The following RORA variants were observed in gnomAD, a reference collection of about 807,000 sequenced individuals.
RORA encodes the protein nuclear receptor ROR-alpha.
In RORA, 7 loss-of-function variants were observed where a neutral mutation model predicts 69.5. The observed-to-expected ratio is 0.10, with a 90% CI of 0.06 to 0.19. The LOEUF (loss-of-function observed/expected upper bound fraction) is 0.19. RORA is among the 10% of genes least tolerant of loss of function. The pLI is 1.00. For synonymous variants in RORA, 261 were observed against 240.8 expected (o/e 1.08, Z -0.78); for missense variants, 457 against 663.0 (o/e 0.69, Z 3.41).
chr15:61,191,114 G>A (rs1160075254), intron 1 of RORA, among the ~76,000 whole-genome samples: 4 of 152,226 alleles, frequency 2.6e-5, no homozygotes, highest in South Asian at 2.1e-4. Flanking sequence ...TAAAACAGAA[G>A]AGATTTGTAT....
At chr15:61,194,330 C>T (rs962028600) in intron 1 of RORA, among the ~76,000 whole-genome samples, 2 of 152,070 alleles carry the variant, frequency 1.3e-5, no homozygotes, top group African/African-American at 4.8e-5. Flanking sequence ...GAGGCAGAGG[C>T]AGGAGGATCA....
chr15:61,139,845 T>C (rs2079281914), intron 1 of RORA, among the ~76,000 whole-genome samples: 1 of 152,226 alleles, frequency 6.6e-6, no homozygotes, highest in Non-Finnish European at 1.5e-5. Context: ...CCCTAAAAGC[T>C]TGTAGCTTCA....
intron 3 of RORA, among the ~76,000 whole-genome samples, chr15:60,517,110 C>CTTTTTTTTTTTTT (rs34707279): frequency 1.4e-5 from 2 of 141,272 alleles, no homozygotes; most frequent in African/African-American, 5.6e-5. Flanking sequence ...TTCATCTGTG[C>CTTTTTTTTTTTTT]TTTTTTTTTT....
At chr15:60,598,782 A>T (rs2068753744) in intron 2 of RORA, among the ~76,000 whole-genome samples, 1 of 152,178 alleles carries the variant, frequency 6.6e-6, no homozygotes, top group African/African-American at 2.4e-5. Flanking sequence ...TTTATTAAGC[A>T]CCTGCTAAGT....
chr15:60,663,673 T>C (rs2070337945), intron 2 of RORA, among the ~76,000 whole-genome samples: 1 of 152,234 alleles, frequency 6.6e-6, no homozygotes, highest in Non-Finnish European at 1.5e-5. Flanking sequence ...CAGGCTGATC[T>C]TGACCTCCTG....
In RORA at chr15:60,929,847, A is replaced by T. The variant is rs1892325200; in HGVS notation, c.167-251161T>A. The stretch of plus-strand genomic sequence containing the variant: ...CAGCCCCCAGAGATACGGACCTGGG[A>T]AGTCTAGGGAGGAGCCCAGGAATGT... On this transcript the variant is annotated intron_variant, in intron 1 of 10. Coordinates refer to ENST00000335670, the MANE Select transcript of RORA (RefSeq NM_134261.3). Among the ~76,000 whole-genome samples the T allele has an allele frequency of 2.0e-5, 3 of 152,064 alleles. No homozygotes were observed. The South Asian group carries it at 6.2e-4, about 32-fold the overall frequency.
intron 1 of RORA, among the ~76,000 whole-genome samples, chr15:61,197,146 G>A (rs1251888954): frequency 6.6e-6 from 1 of 152,226 alleles, no homozygotes; most frequent in African/African-American, 2.4e-5. Context: ...GTAATAGCTG[G>A]TTTGAAAACA....
chr15:61,197,243 G>C (rs918706772), intron 1 of RORA, among the ~76,000 whole-genome samples: 1 of 152,208 alleles, frequency 6.6e-6, no homozygotes, highest in African/African-American at 2.4e-5. Flanking sequence ...CACTTAGGGG[G>C]CCTAATGTAG....
chr15:60,619,237 A>C (rs2069339356), intron 2 of RORA, among the ~76,000 whole-genome samples: 1 of 152,242 alleles, frequency 6.6e-6, no homozygotes, highest in Admixed American at 6.5e-5. Flanking sequence ...CGAAATGACT[A>C]CAAAAATTGA....
chr15:60,630,888 C>CTTTTCTTTT (rs2069721125), intron 2 of RORA, among the ~76,000 whole-genome samples: 1 of 109,902 alleles, frequency 9.1e-6, no homozygotes, highest in Non-Finnish European at 1.7e-5. Context: ...ATGAGACTTT[C>CTTTTCTTTT]TTTTTTTTTT....
At chr15:60,540,574 C>CCCCGCCCCCG (rs1555428642) in intron 2 of RORA, among the ~76,000 whole-genome samples, 2 of 102,670 alleles carry the variant, frequency 1.9e-5, no homozygotes, top group Non-Finnish European at 3.9e-5. Flanking sequence ...ACCCCCCCCC[C>CCCCGCCCCCG]CCAAAACTGT....
intron 1 of RORA, among the ~76,000 whole-genome samples, chr15:60,694,702 C>T (rs914407231): frequency 6.6e-6 from 1 of 152,192 alleles, no homozygotes. Flanking sequence ...TCCTGCCACA[C>T]ACAGCCAAGT....
At chr15:61,144,854 G>A (rs899317082) in intron 1 of RORA, among the ~76,000 whole-genome samples, 5 of 152,096 alleles carry the variant, frequency 3.3e-5, no homozygotes, top group Non-Finnish European at 5.9e-5. Flanking sequence ...TGGCTACTTT[G>A]GGGGAGTATG....
intron 1 of RORA, among the ~76,000 whole-genome samples, chr15:61,018,636 G>A (rs1052603453): frequency 6.6e-6 from 1 of 152,110 alleles, no homozygotes; most frequent in African/African-American, 2.4e-5. Flanking sequence ...CTGCATGCAT[G>A]TATATATTGT....
intron 2 of RORA, among the ~76,000 whole-genome samples, chr15:60,604,873 G>A (rs924082091): frequency 5.3e-5 from 8 of 152,070 alleles, no homozygotes; most frequent in Non-Finnish European, 1.5e-5. Context: ...TAAAAGTCAG[G>A]CAATAAACAT....
intron 1 of RORA, among the ~76,000 whole-genome samples, chr15:61,195,056 T>C (rs1414308005): frequency 6.6e-6 from 1 of 152,152 alleles, no homozygotes; most frequent in Non-Finnish European, 1.5e-5. Context: ...TATGATTTTT[T>C]TGTGACACAG....
intron 2 of RORA, among the ~76,000 whole-genome samples, chr15:60,562,611 A>AT (rs34301774): frequency 1.9e-3 from 262 of 137,510 alleles, no homozygotes; most frequent in South Asian, 5.3e-3. Context: ...AACTTTCTGT[A>AT]TTTTTTTTTT....
At chr15:60,967,262 C>T (rs1893580592) in intron 1 of RORA, among the ~76,000 whole-genome samples, 2 of 152,226 alleles carry the variant, frequency 1.3e-5, no homozygotes, top group South Asian at 4.1e-4. Flanking sequence ...GACAGATGTA[C>T]CATATTTATA....
chr15:61,083,199 G>A (rs545181336), intron 1 of RORA, among the ~76,000 whole-genome samples: 1 of 152,306 alleles, frequency 6.6e-6, no homozygotes, highest in South Asian at 2.1e-4. Context: ...CTGATGTTCC[G>A]TTGTCCCGAG....
Sources: gnomAD v4.1 joint callset for allele counts (sites outside exome capture counted in the v4.1 genomes callset) on GRCh38, gnomAD v4.1.1 for gene constraint, MANE v1.5 for transcripts, NCBI Gene and HGNC (gene_info 2026-07-23, HGNC 2026-07-21) for gene names.